The following ARHGAP42 variants were observed in gnomAD, a reference collection of about 807,000 sequenced individuals.
ARHGAP42 encodes the protein Rho GTPase activating protein 42.
ARHGAP42 carries 63 observed loss-of-function variants against 125.0 expected under a neutral mutation model. The observed-to-expected ratio is 0.50, with a 90% confidence interval of 0.41 to 0.62. ARHGAP42 has a LOEUF of 0.62. Ranked by LOEUF, ARHGAP42 falls within the 20% of genes least tolerant of loss-of-function variation. The pLI is 0.00. For missense variants in ARHGAP42, 766 were observed against 1,024.2 expected (o/e 0.75, Z 3.44); for synonymous variants, 339 against 351.0 (o/e 0.97, Z 0.38).
chr11:100,935,204 A>G (rs11224526), intron 7 of ARHGAP42, among the ~76,000 whole-genome samples: 22,598 of 151,984 alleles, frequency 0.15, 1,936 homozygotes, highest in East Asian at 0.25. Flanking sequence ...ATCTTCAGAA[A>G]CATATTTGTG....
At chr11:100,691,776 C>T (rs945267287) in intron 1 of ARHGAP42, among the ~76,000 whole-genome samples, 7 of 152,208 alleles carry the variant, frequency 4.6e-5, no homozygotes, top group African/African-American at 1.4e-4. Flanking sequence ...TGCCTGCCTC[C>T]ACCTCCCAAA....
At chr11:100,714,389 T>TTGTGTG (rs10609660) in intron 1 of ARHGAP42, among the ~76,000 whole-genome samples, 8 of 149,678 alleles carry the variant, frequency 5.3e-5, no homozygotes, top group African/African-American at 1.7e-4. Context: ...ACATAAAAAT[T>TTGTGTG]TGTGTGTGTG....
chr11:100,697,987 T>C (rs555833860), intron 1 of ARHGAP42, among the ~76,000 whole-genome samples: 30 of 152,338 alleles, frequency 2.0e-4, no homozygotes, highest in African/African-American at 6.5e-4. Flanking sequence ...TCTGTAATAC[T>C]AGAGAATCAA....
intron 1 of ARHGAP42, among the ~76,000 whole-genome samples, chr11:100,708,304 G>T (rs113924001): frequency 6.6e-6 from 1 of 152,088 alleles, no homozygotes; most frequent in Admixed American, 6.6e-5. Context: ...TTGAACCCAG[G>T]GGTTGGAGAC....
At chr11:100,950,874 A>ATTTAT (rs965913953) in intron 12 of ARHGAP42, among the ~76,000 whole-genome samples, 1 of 151,782 alleles carries the variant, frequency 6.6e-6, no homozygotes. Flanking sequence ...TACTTTTCTT[A>ATTTAT]TTTATTTTAT....
chr11:100,986,535 T>A (rs927620741), intron 22 of ARHGAP42, among the ~76,000 whole-genome samples: 9 of 152,132 alleles, frequency 5.9e-5, no homozygotes, highest in Admixed American at 4.6e-4. Flanking sequence ...TGTGATCTGA[T>A]GGGCATTTTA....
chr11:100,927,974 G>A (rs7101819), intron 6 of ARHGAP42, among the ~76,000 whole-genome samples: 13,365 of 152,068 alleles, frequency 0.088, 750 homozygotes, highest in East Asian at 0.29. Context: ...TATTTGATTC[G>A]ATTTATATAT....
Position 100,807,047 on chromosome 11 carries a change from C to T in ARHGAP42, c.312+11881C>T, listed in dbSNP as rs185041456. 3.2e-3 allele frequency among the ~76,000 whole-genome samples: 486 copies of T among 152,144 alleles called. 5 individuals carry two copies. Among genetic ancestry groups the T allele is most frequent in the African/African-American group, 0.011 (460 of 41,512 alleles). On this transcript the variant is annotated intron_variant, in intron 3 of 23. Transcript: ENST00000298815. ...ATTTTTAATAGAGACGGGGTTTCAC[C>T]GTGTTGGCCAGGCTGGTCTCGAACT...
intron 4 of ARHGAP42, among the ~76,000 whole-genome samples, chr11:100,903,709 A>AAAATATATATATATATAT (rs1332890022): frequency 1.6e-5 from 1 of 63,514 alleles, no homozygotes; most frequent in Admixed American, 1.8e-4. Context: ...TGTCCCTCAA[A>AAAATATATATATATATAT]ATATATATAT....
At chr11:100,965,399 C>T (rs1047893903) in intron 16 of ARHGAP42, among the ~76,000 whole-genome samples, 1 of 152,104 alleles carries the variant, frequency 6.6e-6, no homozygotes, top group Admixed American at 6.6e-5. Flanking sequence ...TGAGTTTTGG[C>T]TGTATCAAAG....
intron 17 of ARHGAP42, among the ~76,000 whole-genome samples, chr11:100,971,181 C>G (rs553247703): frequency 6.6e-6 from 1 of 151,988 alleles, no homozygotes; most frequent in South Asian, 2.1e-4. Flanking sequence ...TTTCTTTATT[C>G]TTTAAGTTTT....
chr11:100,696,180 A>G (rs1337496829), intron 1 of ARHGAP42, among the ~76,000 whole-genome samples: 1 of 152,018 alleles, frequency 6.6e-6, no homozygotes, highest in Non-Finnish European at 1.5e-5. Flanking sequence ...AACCATGATC[A>G]TGCCACTCCA....
chr11:100,939,587 A>G (rs1452415413), intron 8 of ARHGAP42, among the ~76,000 whole-genome samples: 1 of 152,196 alleles, frequency 6.6e-6, no homozygotes, highest in African/African-American at 2.4e-5. Context: ...CTTAGTAGGT[A>G]TTCGATGAAT....
At chr11:100,786,051 T>C (rs1023266093) in intron 2 of ARHGAP42, among the ~76,000 whole-genome samples, 4 of 152,168 alleles carry the variant, frequency 2.6e-5, no homozygotes, top group Admixed American at 2.0e-4. Context: ...GCACCTCATA[T>C]TATGATGTGG....
intron 5 of ARHGAP42, among the ~76,000 whole-genome samples, chr11:100,920,184 C>T (rs1303963992): frequency 2.0e-5 from 3 of 152,094 alleles, no homozygotes; most frequent in African/African-American, 7.2e-5. Flanking sequence ...CATTTATTAG[C>T]TTAAAAATTT....
chr11:100,744,774 A>G (rs569404857), intron 1 of ARHGAP42, among the ~76,000 whole-genome samples: 1 of 152,262 alleles, frequency 6.6e-6, no homozygotes, highest in South Asian at 2.1e-4. Context: ...GAGCAAGTTC[A>G]CCATTGTTAT....
At chr11:100,910,872 G>A (rs576758710) in intron 4 of ARHGAP42, among the ~76,000 whole-genome samples, 33 of 152,076 alleles carry the variant, frequency 2.2e-4, no homozygotes, top group South Asian at 2.1e-4. Flanking sequence ...TGGCCTGGTG[G>A]TGTGAAGGGG....
Position 100,827,070 on chromosome 11 carries a change from C to T in ARHGAP42, c.312+31904C>T, listed in dbSNP as rs538916160. ...CCAGGCTAGACTGCAGTGGCGTTAC[C>T]GCAGCTCACTGCAACTTCCGCCTCC... On this transcript the variant is annotated intron_variant, in intron 3 of 23. Transcript: ENST00000298815. Among the ~76,000 whole-genome samples, 31 of 145,478 alleles carry T rather than the reference C, an allele frequency of 2.1e-4. No individual in the cohort carries two copies. The East Asian group carries it at 3.0e-3, about 14-fold the overall frequency.
chr11:100,989,748 A>C lies in ARHGAP42; in HGVS notation c.*947A>C, dbSNP rs543913750. The C allele has an allele frequency of 1.3e-5, 2 of 152,356 alleles. No homozygotes were observed. The highest frequency in any genetic ancestry group is 4.8e-5 in the African/African-American group (2 of 41,596). 9.4% of individuals were successfully genotyped at this position (152,356 alleles called of 1,614,324 possible). ...ACTTAAATTCCACTTGGAAGATTGT[A>C]AAGTGTCAAAGTATTTTAATGATAA... is the stretch of plus-strand genomic sequence containing the variant. On this transcript the variant is annotated 3_prime_UTR_variant, in exon 24 of 24. Transcript: ENST00000298815.
Sources: gnomAD v4.1 joint callset for allele counts (sites outside exome capture counted in the v4.1 genomes callset) on GRCh38, gnomAD v4.1.1 for gene constraint, MANE v1.5 for transcripts, NCBI Gene and HGNC (gene_info 2026-07-23, HGNC 2026-07-21) for gene names.